Variants in TRHDE observed in about 807,000 individuals in gnomAD.
TRHDE encodes the protein thyrotropin-releasing hormone-degrading ectoenzyme.
A neutral mutation model predicts 125.7 loss-of-function variants in TRHDE; 72 were observed. That is an observed-to-expected ratio of 0.57 (90% CI 0.47 to 0.70). TRHDE has a LOEUF of 0.70. Ranked by LOEUF, TRHDE falls within the 30% of genes least tolerant of loss-of-function variation. TRHDE has a pLI of 0.00. For missense variants in TRHDE, 1,110 were observed against 1,327.1 expected, an observed-to-expected ratio of 0.84 and a Z score of 2.54; for synonymous variants, 509 against 509.1, an observed-to-expected ratio of 1.00 and a Z score of 0.00.
intron 2 of TRHDE, among the ~76,000 whole-genome samples, chr12:72,360,023 G>A (rs1870996347): frequency 6.6e-6 from 1 of 151,704 alleles, no homozygotes; most frequent in East Asian, 1.9e-4. Context: ...TCAATAAATA[G>A]TACGGAGACA....
chr12:72,113,480 TA>T (rs1320498007), intron 2 of TRHDE, among the ~76,000 whole-genome samples: 1 of 152,032 alleles, frequency 6.6e-6, no homozygotes. Flanking sequence ...CGTAGTTTTA[TA>T]GAGATGGAGT....
At chr12:72,421,412 C>T (rs1873948319) in intron 3 of TRHDE, among the ~76,000 whole-genome samples, 1 of 152,162 alleles carries the variant, frequency 6.6e-6, no homozygotes, top group African/African-American at 2.4e-5. Context: ...CACATGGTCT[C>T]TCCATGCGGT....
chr12:72,467,323 A>C (rs1281380223), intron 3 of TRHDE, among the ~76,000 whole-genome samples: 1 of 147,706 alleles, frequency 6.8e-6, no homozygotes, highest in African/African-American at 2.5e-5. Flanking sequence ...TTACCTTTTG[A>C]AGTCCAACTT....
At chr12:72,329,951 T>C (rs997437219) in intron 2 of TRHDE, among the ~76,000 whole-genome samples, 10 of 152,136 alleles carry the variant, frequency 6.6e-5, no homozygotes, top group South Asian at 6.2e-4. Context: ...AGATGAGGGA[T>C]GAACGTGGGA....
chr12:72,518,741 C>T (rs1302107576), intron 6 of TRHDE, among the ~76,000 whole-genome samples: 15 of 152,168 alleles, frequency 9.9e-5, no homozygotes, highest in Admixed American at 2.6e-4. Flanking sequence ...TTCCTAGCCT[C>T]GATGGTCTTT....
intron 3 of TRHDE, among the ~76,000 whole-genome samples, chr12:72,402,859 T>C (rs1437122865): frequency 6.6e-6 from 1 of 152,194 alleles, no homozygotes; most frequent in African/African-American, 2.4e-5. Flanking sequence ...CATCTGACTC[T>C]CATATGGTGG....
chr12:72,142,810 C>T (rs949882649), intron 2 of TRHDE, among the ~76,000 whole-genome samples: 1 of 151,974 alleles, frequency 6.6e-6, no homozygotes, highest in African/African-American at 2.4e-5. Context: ...AGGGGACAGT[C>T]AGGGAAGAGT....
At chr12:72,505,527 G>C (rs1878322184) in intron 6 of TRHDE, among the ~76,000 whole-genome samples, 1 of 152,150 alleles carries the variant, frequency 6.6e-6, no homozygotes, top group African/African-American at 2.4e-5. Context: ...GCTTGGAAGA[G>C]AAGAACAGGG....
chr12:72,100,627 A>T lies in TRHDE; in HGVS notation n.175-5021A>T, dbSNP rs7133520. ...TGAGGGAGAAGATAGAGAAATAAAGATTTCTGAAAATTGCTGCTTGCTAGT... is the reference window on the plus strand; with the variant it reads ...TGAGGGAGAAGATAGAGAAATAAAGTTTTCTGAAAATTGCTGCTTGCTAGT... On this transcript the variant is annotated intron_variant and non_coding_transcript_variant, in intron 1 of 4. Coordinates refer to the TRHDE transcript ENST00000548156. Among the ~76,000 whole-genome samples, 3 of 152,098 alleles carry T rather than the reference A, an allele frequency of 2.0e-5. No individual in the cohort carries two copies. The South Asian group carries it at 6.2e-4, about 32-fold the overall frequency.
In TRHDE at chr12:72,532,757, T is replaced by A. The variant is rs927994974; in HGVS notation, c.1723-9534T>A. Among the ~76,000 whole-genome samples, 6 of 150,290 alleles carry A rather than the reference T, an allele frequency of 4.0e-5. 1 individual carries two copies. The Admixed American group carries it at 4.0e-4, about 10-fold the overall frequency. ...GAATTCTACTTAAATATTTTCTCTC[T>A]CTTCATAGAATCTATATTATATATA... is the stretch of plus-strand genomic sequence containing the variant. On this transcript the variant is annotated intron_variant, in intron 6 of 18. Transcript: ENST00000261180.
chr12:72,378,551 G>A lies in TRHDE; in HGVS notation c.1315+430G>A, dbSNP rs545245015. On this transcript the variant is annotated intron_variant, in intron 3 of 18. Transcript: ENST00000261180. The stretch of plus-strand genomic sequence containing the variant: ...TGAAGGGGTTGGGATTTCAAACTAG[G>A]TCTTGATGACTCCCCGAACAACTCA... Among the ~76,000 whole-genome samples the A allele has an allele frequency of 2.3e-4, 35 of 152,206 alleles. No individual in the cohort carries two copies. In the South Asian group the frequency reaches 6.2e-3, roughly 27 times the overall value.
chr12:72,577,256 A>T (rs1871038798), intron 12 of TRHDE, among the ~76,000 whole-genome samples: 1 of 152,206 alleles, frequency 6.6e-6, no homozygotes, highest in Admixed American at 6.5e-5. Flanking sequence ...AGAATTATTT[A>T]GCACTTTTAA....
chr12:72,201,517 C>T (rs1565661277), intron 2 of TRHDE, among the ~76,000 whole-genome samples: 1 of 152,172 alleles, frequency 6.6e-6, no homozygotes, highest in East Asian at 1.9e-4. Context: ...GCTCCAGACC[C>T]TCTGAGAAGA....
intron 2 of TRHDE, among the ~76,000 whole-genome samples, chr12:72,229,909 G>A (rs890497421): frequency 6.6e-6 from 1 of 152,092 alleles, no homozygotes; most frequent in Admixed American, 6.6e-5. Flanking sequence ...CATGTTACAG[G>A]TCAGAATGGA....
At chr12:72,608,043 T>C (rs1180176169) in intron 12 of TRHDE, among the ~76,000 whole-genome samples, 1 of 152,172 alleles carries the variant, frequency 6.6e-6, no homozygotes, top group African/African-American at 2.4e-5. Flanking sequence ...ATATATGTAT[T>C]GATACCTGCA....
rs1244170837 is a variant in TRHDE at position 72,273,375 on chromosome 12, G to T, written c.732G>T (p.Ala244=). ...VEKVQLAEDR[A]FGAVPVAGFF... ...AAGTGCAGCTGGCCGAGGACCGGGC[G>T]TTCGGGGCTGTCCCTGTAGCCGGTT... The change falls in exon 1 of 19, where the codon GCG becomes GCT. Residue 244 remains alanine, a synonymous_variant. Coordinates refer to ENST00000261180, the MANE Select transcript of TRHDE (RefSeq NM_013381.3). The surrounding 1 kb of genome is among the most constrained non-coding windows in gnomAD (Gnocchi z 5.3). 2 of 1,614,166 alleles carry T rather than the reference G, an allele frequency of 1.2e-6. No homozygotes were observed. The highest frequency in any genetic ancestry group is 1.7e-6 in the Non-Finnish European group (2 of 1,180,032).
chr12:72,294,537 C>T (rs534008574), intron 2 of TRHDE, among the ~76,000 whole-genome samples: 3 of 152,034 alleles, frequency 2.0e-5, no homozygotes, highest in Admixed American at 6.5e-5. Flanking sequence ...TGCATCCAGT[C>T]GTCTGGATGT....
chr12:72,152,306 T>G (rs1360293090), intron 2 of TRHDE, among the ~76,000 whole-genome samples: 1 of 151,804 alleles, frequency 6.6e-6, no homozygotes, highest in African/African-American at 2.4e-5. Flanking sequence ...GCTGAGACGA[T>G]GGGGTTTTCT....
intron 12 of TRHDE, among the ~76,000 whole-genome samples, chr12:72,609,525 T>C (rs962046559): frequency 6.6e-6 from 1 of 152,162 alleles, no homozygotes; most frequent in Admixed American, 6.5e-5. Context: ...TTGCAAGTCA[T>C]AGAGATTTGT....
Sources: gnomAD v4.1 joint callset for allele counts (sites outside exome capture counted in the v4.1 genomes callset) on GRCh38, gnomAD v4.1.1 for gene constraint, Gnocchi (gnomAD v3.1) non-coding constraint, MANE v1.5 for transcripts, NCBI Gene and HGNC (gene_info 2026-07-23, HGNC 2026-07-21) for gene names.